Variants in MINK1 observed in about 807,000 individuals in gnomAD.
The protein encoded by MINK1 is misshapen like kinase 1, also known as misshapen-like kinase 1.
MINK1 carries 46 observed loss-of-function variants against 178.4 expected under a neutral mutation model. That is an observed-to-expected ratio of 0.26 (90% confidence interval 0.20 to 0.33). The LOEUF (loss-of-function observed/expected upper bound fraction) is 0.33, where lower values mean the gene tolerates loss of function less well. Among genes scored for constraint, MINK1 ranks in the 10% least tolerant of loss-of-function variants. MINK1 has a pLI of 1.00. For synonymous variants in MINK1, 797 were observed against 709.7 expected, an observed-to-expected ratio of 1.12 and a Z score of -1.96; for missense variants, 1,366 against 1,814.9, an observed-to-expected ratio of 0.75 and a Z score of 4.49.
At position 4,890,730 on chromosome 17, in the gene MINK1, C is replaced by G. The variant is rs1376685139; in HGVS notation, c.1561C>G (p.Arg521Gly). 3.2e-6 allele frequency: 5 copies of G among 1,546,246 alleles called. No individual in the cohort carries two copies. Among genetic ancestry groups the G allele is most frequent in the Admixed American group, 2.0e-5 (1 of 50,938 alleles). Reference sequence around the variant, plus strand: ...TCCCGCTGACAAACCAGCCTGGGCCCGAGAGGTACTCACTGCCTCCTTTGC... The same window carrying G: ...TCCCGCTGACAAACCAGCCTGGGCCGGAGAGGTACTCACTGCCTCCTTTGC... Reference protein sequence around the residue: ...MNPADKPAWAREVEERTRMNK... With the variant: ...MNPADKPAWAGEVEERTRMNK... Residue 521 changes from arginine (R) to glycine (G), a missense_variant, in exon 14 of 32, where the codon CGA becomes GGA. Physicochemically the swap from Arg to Gly is moderately radical, Grantham distance 125. Transcript: ENST00000355280.
intron 1 of MINK1, among the ~76,000 whole-genome samples, chr17:4,841,652 C>T (rs1454515748): frequency 6.6e-6 from 1 of 152,046 alleles, no homozygotes; most frequent in African/African-American, 2.4e-5. Flanking sequence ...CTACCACTTC[C>T]TTATGTGTAG....
At chr17:4,849,673 G>A (rs1017626034) in intron 1 of MINK1, among the ~76,000 whole-genome samples, 1 of 152,148 alleles carries the variant, frequency 6.6e-6, no homozygotes, top group African/African-American at 2.4e-5. Context: ...CCTGGTTTAA[G>A]CGATTCTCCT....
At chr17:4,888,690 CTTTTT>C (rs35392409) in intron 12 of MINK1, among the ~76,000 whole-genome samples, 1 of 87,882 alleles carries the variant, frequency 1.1e-5, no homozygotes, top group African/African-American at 4.2e-5. Context: ...AAAGTCCTAT[CTTTTT>C]TTTTTTTTTT....
intron 1 of MINK1, among the ~76,000 whole-genome samples, chr17:4,869,682 G>T (rs1377932342): frequency 6.6e-6 from 1 of 150,610 alleles, no homozygotes; most frequent in Non-Finnish European, 1.5e-5. Flanking sequence ...CATAGAGGCT[G>T]TACTAATTTA....
intron 1 of MINK1, among the ~76,000 whole-genome samples, chr17:4,843,790 C>T (rs1910600851): frequency 6.6e-6 from 1 of 152,092 alleles, no homozygotes; most frequent in African/African-American, 2.4e-5. Context: ...AGTTAAGTAA[C>T]TTGCCTGAGG....
At chr17:4,875,641 A>T in intron 1 of MINK1, 1 of 354,534 alleles carries the variant, frequency 2.8e-6, no homozygotes, top group South Asian at 2.1e-5. Context: ...GCGTGGTGGC[A>T]CACGCCTGTA....
chr17:4,896,315 C>G lies in MINK1; in HGVS notation c.3588C>G (p.Asn1196Lys). 1 of 1,598,918 alleles carries G rather than the reference C, an allele frequency of 6.3e-7. No homozygotes were observed. The highest frequency in any genetic ancestry group is 8.5e-7 in the Non-Finnish European group (1 of 1,172,168). The change falls in exon 29 of 32, where the codon AAC becomes AAG. Residue 1196 changes from asparagine to lysine, a missense_variant. Physicochemically the swap from Asn to Lys is moderately conservative, Grantham distance 94 (BLOSUM62 0). Transcript: ENST00000355280. This position sits in a 1 kb window ranked among gnomAD's most constrained non-coding sequence, Gnocchi z 4.6. ...ATGCTGTGGATGTCGACTCGGGGAACAGCTATGACATCTACATCCCTGTGC... is the reference window on the plus strand; with the variant it reads ...ATGCTGTGGATGTCGACTCGGGGAAGAGCTATGACATCTACATCCCTGTGC... ...GFHAVDVDSG[N>K]SYDIYIPVHI...
intron 1 of MINK1, among the ~76,000 whole-genome samples, chr17:4,838,716 T>A (rs1909673609): frequency 6.6e-6 from 1 of 151,902 alleles, no homozygotes; most frequent in African/African-American, 2.4e-5. Flanking sequence ...CCGGTGAGAG[T>A]CTGCCTGTCT....
chr17:4,880,849 G>T (rs935711797), intron 2 of MINK1, 135 bp from the exon 3 acceptor site: 6 of 784,586 alleles, frequency 7.6e-6, no homozygotes, highest in Non-Finnish European at 1.1e-5. Context: ...GCAGTGAGCC[G>T]AGATCGCGCC....
Position 4,896,453 on chromosome 17 carries a change from G to A in MINK1, c.3640G>A (p.Ala1214Thr). 1 of 1,613,918 alleles carries A rather than the reference G, an allele frequency of 6.2e-7. No homozygotes were observed. Among genetic ancestry groups the A allele is most frequent in the Non-Finnish European group, 8.5e-7 (1 of 1,179,854 alleles). The stretch of plus-strand genomic sequence containing the variant: ...GATCCAGAGCCAGATCACGCCCCAT[G>A]CCATCATCTTCCTCCCCAACACCGA... Reference protein sequence around the residue: ...VHIQSQITPHAIIFLPNTDGM... With the variant: ...VHIQSQITPHTIIFLPNTDGM... Residue 1214 changes from alanine (A) to threonine (T), a missense_variant, in exon 30 of 32, where the codon GCC (alanine) becomes ACC (threonine). Physicochemically the swap from Ala to Thr is moderately conservative, Grantham distance 58 (BLOSUM62 0). This residue lies in a region of MINK1 where 201 missense variants were observed against 240.7 expected (regional missense o/e 0.84). Transcript: ENST00000355280. This position sits in a 1 kb window ranked among gnomAD's most constrained non-coding sequence, Gnocchi z 4.6.
chr17:4,885,570 T>C lies in MINK1; in HGVS notation c.596T>C (p.Val199Ala), dbSNP rs1170235218. Residue 199 changes from valine to alanine, a missense_variant, in exon 7 of 32, where the codon GTC (valine) becomes GCC (alanine). Val to Ala is a moderately conservative substitution (Grantham distance 64). Around this residue, in one of 14 missense-constraint regions of MINK1, gnomAD observed 109 missense variants for 369.4 expected, o/e 0.30. Coordinates refer to ENST00000355280, the MANE Select transcript of MINK1 (RefSeq NM_153827.5). This position sits in a 1 kb window ranked among gnomAD's most constrained non-coding sequence, Gnocchi z 5.0. ...IGTPYWMAPE[V>A]IACDENPDAT... Reference sequence around the variant, plus strand: ...ACTCCCTACTGGATGGCTCCAGAGGTCATCGCCTGTGATGAGAACCCTGAT... The same window carrying C: ...ACTCCCTACTGGATGGCTCCAGAGGCCATCGCCTGTGATGAGAACCCTGAT... 6.2e-7 allele frequency: 1 copy of C among 1,613,808 alleles called. No homozygotes were observed. The highest frequency in any genetic ancestry group is 8.5e-7 in the Non-Finnish European group (1 of 1,179,850).
chr17:4,887,196 G>A lies in MINK1; in HGVS notation c.1019+17G>A. On this transcript the variant is annotated intron_variant, in intron 11 of 31. Coordinates refer to ENST00000355280, the MANE Select transcript of MINK1 (RefSeq NM_153827.5). The surrounding 1 kb of genome is among the most constrained non-coding windows in gnomAD (Gnocchi z 7.6). ...AGAGCCAAGGTAGGCCTGGCAGGTGGAGTGGGGGTTGGGGCGGTCATCGCT... is the reference window on the plus strand; with the variant it reads ...AGAGCCAAGGTAGGCCTGGCAGGTGAAGTGGGGGTTGGGGCGGTCATCGCT... 1 of 1,592,572 alleles carries A rather than the reference G, an allele frequency of 6.3e-7. No individual in the cohort carries two copies. Among genetic ancestry groups the A allele is most frequent in the Admixed American group, 1.8e-5 (1 of 56,448 alleles).
chr17:4,895,337 G>T lies in MINK1; in HGVS notation c.3086-13G>T. 1 of 1,603,098 alleles carries T rather than the reference G, an allele frequency of 6.2e-7. No individual in the cohort carries two copies. The highest frequency in any genetic ancestry group is 8.5e-7 in the Non-Finnish European group (1 of 1,173,344). ...GGCTGAGCCTCTGACCTGCCCAAGG[G>T]CTCCTGTTGCAGGGGTCAACCTGCT... On this transcript the variant is annotated splice_polypyrimidine_tract_variant and intron_variant, in intron 25 of 31. Transcript: ENST00000355280. This position sits in a 1 kb window ranked among gnomAD's most constrained non-coding sequence, Gnocchi z 4.3.
chr17:4,885,108 G>GGAA lies in MINK1; in HGVS notation c.508+107_508+108insAAG. 9.7e-7 allele frequency: 1 copy of GGAA among 1,033,038 alleles called. No homozygotes were observed. The highest frequency in any genetic ancestry group is 1.5e-6 in the Non-Finnish European group (1 of 688,890). 64.0% of individuals were successfully genotyped at this position (1,033,038 alleles called of 1,614,324 possible). A position where few individuals can be genotyped will look rare whatever the true frequency, so the allele number is the denominator to read the frequency against. On this transcript the variant is annotated intron_variant, in intron 6 of 31. Transcript: ENST00000355280. The surrounding 1 kb of genome is among the most constrained non-coding windows in gnomAD (Gnocchi z 5.0). ...GCTCAGGCCCAACTCCCTTCCTACT[G>GGAA]GGGAGGCTCACTCCCTCCCCTTTCC...
rs545873288 is a variant in MINK1 at position 4,845,022 on chromosome 17, C to T, written c.57+11382C>T. Among the ~76,000 whole-genome samples, 3 of 152,272 alleles carry T rather than the reference C, an allele frequency of 2.0e-5. No homozygotes were observed. In the South Asian group the frequency reaches 6.2e-4, roughly 32 times the overall value. Reference sequence around the variant, plus strand: ...ATTAAACACTGACTCTCTGAACCCTCCACCTTCCAGCCCCTGGCACCCACC... The same window carrying T: ...ATTAAACACTGACTCTCTGAACCCTTCACCTTCCAGCCCCTGGCACCCACC... On this transcript the variant is annotated intron_variant, in intron 1 of 31. Coordinates refer to ENST00000355280, the MANE Select transcript of MINK1 (RefSeq NM_153827.5).
At chr17:4,835,434 C>G (rs1322353171) in intron 1 of MINK1, among the ~76,000 whole-genome samples, 1 of 152,144 alleles carries the variant, frequency 6.6e-6, no homozygotes, top group African/African-American at 2.4e-5. Context: ...CGGGACCAGC[C>G]TGGCCAACAC....
intron 1 of MINK1, among the ~76,000 whole-genome samples, chr17:4,855,877 G>A (rs1174548499): frequency 6.6e-6 from 1 of 151,868 alleles, no homozygotes; most frequent in Non-Finnish European, 1.5e-5. Flanking sequence ...AGGAGGCTGA[G>A]GCGGGAGAAT....
intron 1 of MINK1, among the ~76,000 whole-genome samples, chr17:4,867,032 C>T (rs1460993196): frequency 6.3e-5 from 9 of 142,634 alleles, no homozygotes; most frequent in East Asian, 2.1e-4. Context: ...GGGACCGTGC[C>T]GCTTGCACTC....
chr17:4,890,215 C>A, intron 13 of MINK1: 3 of 960,204 alleles, frequency 3.1e-6, no homozygotes, highest in Non-Finnish European at 4.0e-6. Context: ...CACACCCCGT[C>A]CCCCAGGAAT....
Sources: gnomAD v4.1 joint callset for allele counts (sites outside exome capture counted in the v4.1 genomes callset) on GRCh38, gnomAD v4.1.1 for gene constraint, gnomAD v4.1.1 regional missense constraint, Gnocchi (gnomAD v3.1) non-coding constraint, MANE v1.5 for transcripts, NCBI Gene and HGNC (gene_info 2026-07-23, HGNC 2026-07-21) for gene names.